Variants in PHACTR1 observed in about 807,000 individuals in gnomAD.
The protein encoded by PHACTR1 is RPEL repeat containing 1.
PHACTR1 carries 16 observed loss-of-function variants against 69.2 expected under a neutral mutation model. The observed-to-expected ratio is 0.23, with a 90% CI of 0.16 to 0.35. The LOEUF (loss-of-function observed/expected upper bound fraction) is 0.35. PHACTR1 is among the 10% of genes least tolerant of loss of function. The pLI is 1.00. For missense variants in PHACTR1, 510 were observed against 734.7 expected (o/e 0.69, Z 3.54); for synonymous variants, 312 against 284.5 (o/e 1.10, Z -0.97).
chr6:13,084,968 G>A (rs1311990901), intron 5 of PHACTR1, among the ~76,000 whole-genome samples: 1 of 152,048 alleles, frequency 6.6e-6, no homozygotes, highest in Non-Finnish European at 1.5e-5. Flanking sequence ...ATGGCAATTA[G>A]CGTAGAATAA....
intron 4 of PHACTR1, among the ~76,000 whole-genome samples, chr6:12,938,124 T>C (rs1789663945): frequency 6.6e-6 from 1 of 152,010 alleles, no homozygotes; most frequent in Non-Finnish European, 1.5e-5. Context: ...CAGAATCCTT[T>C]CTCGGTGTTC....
chr6:12,981,410 A>T (rs9296569), intron 4 of PHACTR1, among the ~76,000 whole-genome samples: 2,296 of 152,302 alleles, frequency 0.015, 56 homozygotes, highest in African/African-American at 0.052. Context: ...CATGAATAGG[A>T]AGAAAACCTT....
At chr6:12,736,682 TG>T (rs1472582676) in intron 3 of PHACTR1, among the ~76,000 whole-genome samples, 14 of 152,156 alleles carry the variant, frequency 9.2e-5, no homozygotes, top group African/African-American at 3.1e-4. Flanking sequence ...AGAATAAACA[TG>T]TTTTTTTACA....
chr6:12,790,908 A>G (rs1288009861), intron 4 of PHACTR1, among the ~76,000 whole-genome samples: 2 of 152,154 alleles, frequency 1.3e-5, no homozygotes, highest in Admixed American at 6.5e-5. Flanking sequence ...TTCTGTCAAG[A>G]TTGGATCAAA....
At chr6:12,986,125 C>A (rs560228352) in intron 4 of PHACTR1, among the ~76,000 whole-genome samples, 2 of 152,272 alleles carry the variant, frequency 1.3e-5, no homozygotes, top group South Asian at 2.1e-4. Flanking sequence ...CATGAGCCAC[C>A]GCGCCTGGGC....
At chr6:12,834,763 T>C (rs1240956931) in intron 4 of PHACTR1, among the ~76,000 whole-genome samples, 2 of 152,152 alleles carry the variant, frequency 1.3e-5, no homozygotes, top group Non-Finnish European at 2.9e-5. Context: ...TAAATATTTC[T>C]CTCAATATTG....
At chr6:12,780,249 C>CTGTGTGTGTGTG (rs71552713) in intron 4 of PHACTR1, among the ~76,000 whole-genome samples, 10 of 147,570 alleles carry the variant, frequency 6.8e-5, no homozygotes, top group African/African-American at 2.0e-4. Flanking sequence ...TATCTTTTCT[C>CTGTGTGTGTGTG]TGTGTGTGTG....
intron 4 of PHACTR1, among the ~76,000 whole-genome samples, chr6:12,960,962 C>T (rs1792642339): frequency 6.6e-6 from 1 of 152,102 alleles, no homozygotes; most frequent in Non-Finnish European, 1.5e-5. Flanking sequence ...CTGTAAAGTC[C>T]AAAGACAGTA....
chr6:13,143,716 A>G (rs1016966267), intron 5 of PHACTR1, among the ~76,000 whole-genome samples: 1 of 152,168 alleles, frequency 6.6e-6, no homozygotes, highest in African/African-American at 2.4e-5. Flanking sequence ...TTAAAAGACT[A>G]GCATAAATTG....
In PHACTR1 at chr6:12,887,406, C is replaced by G. The variant is rs574929499; in HGVS notation, c.250+137616C>G. 2.0e-5 allele frequency among the ~76,000 whole-genome samples: 3 copies of G among 151,628 alleles called. No individual in the cohort carries two copies. The East Asian group carries it at 5.8e-4, about 29-fold the overall frequency. On this transcript the variant is annotated intron_variant, in intron 4 of 14. Transcript: ENST00000332995. Reference sequence around the variant, plus strand: ...GGAATGCAGCTCACATGCCCCTGTTCTTCATTTCCCCAAATCTTACTTGCG... The same window carrying G: ...GGAATGCAGCTCACATGCCCCTGTTGTTCATTTCCCCAAATCTTACTTGCG...
At position 13,007,846 on chromosome 6, in the gene PHACTR1, TCTTC is replaced by T. The variant is rs573023044; in HGVS notation, c.251-45514_251-45511del. On this transcript the variant is annotated intron_variant, in intron 4 of 14. Transcript: ENST00000332995. The stretch of plus-strand genomic sequence containing the variant: ...CCTGTTTTATCTAAAATGATTCCAA[TCTTC>T]CTTCTCATCATGTTGCTATCTGCTA... Among the ~76,000 whole-genome samples, 481 of 152,292 alleles carry T rather than the reference TCTTC, an allele frequency of 3.2e-3. 4 individuals carry two copies. The highest frequency in any genetic ancestry group is 0.011 in the African/African-American group (451 of 41,562).
intron 6 of PHACTR1, among the ~76,000 whole-genome samples, chr6:13,172,644 T>C (rs1254773969): frequency 6.6e-6 from 1 of 152,192 alleles, no homozygotes; most frequent in Non-Finnish European, 1.5e-5. Flanking sequence ...GGAAAGTCAT[T>C]GCATCTCACC....
chr6:13,191,266 G>A (rs150236509), intron 7 of PHACTR1, among the ~76,000 whole-genome samples: 99 of 152,282 alleles, frequency 6.5e-4, no homozygotes, highest in African/African-American at 2.3e-3. Flanking sequence ...TGTTTGCATA[G>A]AAGTCTCTCT....
chr6:12,855,587 A>G (rs1780265345), intron 4 of PHACTR1, among the ~76,000 whole-genome samples: 1 of 152,180 alleles, frequency 6.6e-6, no homozygotes, highest in Non-Finnish European at 1.5e-5. Context: ...GTGGGAGCTA[A>G]ATTTTGGGTT....
chr6:12,909,859 T>C (rs1016437494), intron 4 of PHACTR1, among the ~76,000 whole-genome samples: 1 of 152,214 alleles, frequency 6.6e-6, no homozygotes, highest in East Asian at 1.9e-4. Flanking sequence ...CTCACCACTC[T>C]TGCATACCCA....
At chr6:12,935,451 C>T (rs1419908861) in intron 4 of PHACTR1, among the ~76,000 whole-genome samples, 3 of 152,048 alleles carry the variant, frequency 2.0e-5, no homozygotes, top group Admixed American at 6.6e-5. Flanking sequence ...ACCATGTTGA[C>T]CAGGCTGGTC....
intron 4 of PHACTR1, among the ~76,000 whole-genome samples, chr6:12,894,612 A>G (rs1390760926): frequency 1.3e-5 from 2 of 152,206 alleles, no homozygotes; most frequent in Non-Finnish European, 2.9e-5. Flanking sequence ...CTGAAAAAAG[A>G]AACAAAAAAA....
chr6:12,970,575 A>G (rs966293001), intron 4 of PHACTR1, among the ~76,000 whole-genome samples: 2 of 152,152 alleles, frequency 1.3e-5, no homozygotes, highest in African/African-American at 4.8e-5. Flanking sequence ...CCTGGCCAAC[A>G]TGAAACCCTG....
At chr6:12,805,787 G>T (rs971294334) in intron 4 of PHACTR1, among the ~76,000 whole-genome samples, 2 of 152,006 alleles carry the variant, frequency 1.3e-5, no homozygotes, top group African/African-American at 4.8e-5. Context: ...TTTTAGTAGG[G>T]ACAGGGTTTC....
Sources: gnomAD v4.1 joint callset for allele counts (sites outside exome capture counted in the v4.1 genomes callset) on GRCh38, gnomAD v4.1.1 for gene constraint, MANE v1.5 for transcripts, NCBI Gene and HGNC (gene_info 2026-07-23, HGNC 2026-07-21) for gene names.